The following RAPGEF5 variants were observed in gnomAD, a reference collection of about 807,000 sequenced individuals.
The protein encoded by RAPGEF5 is Rap guanine nucleotide exchange factor 5.
Under a neutral mutation model 125.2 loss-of-function variants are expected in RAPGEF5, and 65 were observed. The observed-to-expected ratio is 0.52, with a 90% CI of 0.43 to 0.64. The LOEUF is 0.64. Among genes scored for constraint, RAPGEF5 ranks in the 30% least tolerant of loss-of-function variants. The pLI, the probability that RAPGEF5 is intolerant of heterozygous loss-of-function variation, is 0.00. For synonymous variants in RAPGEF5, 391 were observed against 385.9 expected (o/e 1.01, Z -0.16); for missense variants, 958 against 1,048.1 (o/e 0.91, Z 1.19).
intron 6 of RAPGEF5, among the ~76,000 whole-genome samples, chr7:22,285,480 A>G (rs902765045): frequency 1.3e-5 from 2 of 152,234 alleles, no homozygotes; most frequent in Non-Finnish European, 2.9e-5. Context: ...TATCAATTTA[A>G]AAGTTTCCAA....
chr7:22,242,518 G>A (rs537951524), intron 7 of RAPGEF5, among the ~76,000 whole-genome samples: 19 of 152,134 alleles, frequency 1.2e-4, no homozygotes, highest in Admixed American at 6.5e-4. Context: ...GTCACCACTC[G>A]AATTCACTAG....
chr7:22,316,940 G>A (rs1451358289), intron 2 of RAPGEF5, among the ~76,000 whole-genome samples: 1 of 150,502 alleles, frequency 6.6e-6, no homozygotes, highest in African/African-American at 2.4e-5. Context: ...GAAGTAGGAA[G>A]GGAAGCAAAT....
chr7:22,147,968 T>C (rs1484848932), intron 18 of RAPGEF5, among the ~76,000 whole-genome samples: 1 of 152,188 alleles, frequency 6.6e-6, no homozygotes, highest in Non-Finnish European at 1.5e-5. Flanking sequence ...CGTTTCCTAT[T>C]TTTTTTAAAA....
rs895239927 is a variant in RAPGEF5, at chr7:22,291,252, A to C, written c.681-11T>G. Reference sequence around the variant, plus strand: ...ATTTTCTGATGAGACCTAAAAAAAAAAAAAAGAACAAATTACTTTTCAGTT... The same window carrying C: ...ATTTTCTGATGAGACCTAAAAAAAACAAAAAGAACAAATTACTTTTCAGTT... On this transcript the variant is annotated splice_polypyrimidine_tract_variant and intron_variant, in intron 5 of 25. Transcript: ENST00000665637. The C allele has an allele frequency of 5.2e-6, 8 of 1,525,978 alleles. No homozygotes were observed. The African/African-American group carries it at 9.8e-5, about 19-fold the overall frequency. The allele number at this position is 1,525,978 out of a possible 1,614,324, so 94.5% of individuals were successfully genotyped here.
rs1329701221 is a variant in RAPGEF5 at position 22,122,412 on chromosome 7, C to T, written c.2646G>A (p.Arg882=). The T allele has an allele frequency of 6.2e-7, 1 of 1,612,610 alleles. No individual in the cohort carries two copies. Residue 882 remains arginine (R), a synonymous_variant, in exon 26 of 26, where the codon CGG becomes CGA. Transcript: ENST00000665637. ...GGAGGTGAGGCAGTGGGGCTCACACCCGAGGCTCGATCCTGTGTGAGAGCT... is the reference window on the plus strand; with the variant it reads ...GGAGGTGAGGCAGTGGGGCTCACACTCGAGGCTCGATCCTGTGTGAGAGCT... The part of the protein sequence containing the change: ...LFELSHRIEP[R]V
intron 9 of RAPGEF5, among the ~76,000 whole-genome samples, chr7:22,210,238 G>A (rs1354466961): frequency 6.6e-6 from 1 of 152,200 alleles, no homozygotes; most frequent in Non-Finnish European, 1.5e-5. Context: ...CAGGGAGAAA[G>A]TGATAGCATC....
chr7:22,346,394 A>T (rs572919359), intron 1 of RAPGEF5, among the ~76,000 whole-genome samples: 30 of 152,232 alleles, frequency 2.0e-4, no homozygotes, highest in South Asian at 4.1e-4. Context: ...CGTAAAAAAA[A>T]TTTTTTTGCA....
chr7:22,125,568 T>C (rs765662483), intron 25 of RAPGEF5, 36 bp downstream of exon 25: 3 of 1,572,024 alleles, frequency 1.9e-6, no homozygotes. Context: ...CAACGTAGAG[T>C]CAATTTACAT....
intron 7 of RAPGEF5, 128 bp from the exon 8 acceptor site, chr7:22,231,047 TA>T: frequency 1.2e-6 from 1 of 864,590 alleles, no homozygotes; most frequent in Non-Finnish European, 1.8e-6. Context: ...ACATTGGCAT[TA>T]TTTTTTGTTA....
At position 22,162,492 on chromosome 7, in the gene RAPGEF5, G is replaced by A. The variant is rs775702720; in HGVS notation, c.1333C>T (p.Arg445Cys). Reference protein sequence around the residue: ...QGKEENSDVPRRKRKVLHLVS... With the variant: ...QGKEENSDVPCRKRKVLHLVS... ...AGATGCAAGACTTTACGTTTCCTAC[G>A]CGGAACGTCTGAGTTTTCCTCTTTG... is the stretch of plus-strand genomic sequence containing the variant. Residue 445 changes from arginine (R) to cysteine (C), a missense_variant, in exon 13 of 26, where the codon CGT becomes TGT. Coordinates refer to ENST00000665637, the MANE Select transcript of RAPGEF5 (RefSeq NM_012294.5). The A allele has an allele frequency of 2.6e-5, 42 of 1,608,494 alleles. 1 individual carries two copies. Among genetic ancestry groups the A allele is most frequent in the South Asian group, 2.1e-4 (19 of 90,968 alleles).
intron 4 of RAPGEF5, 64 bp from the exon 5 acceptor site, chr7:22,308,571 C>G: frequency 1.6e-6 from 2 of 1,254,226 alleles, no homozygotes; most frequent in South Asian, 3.3e-5. Context: ...AGTAATAACT[C>G]AAATGATAAA....
chr7:22,125,392 G>A (rs1291745089), intron 25 of RAPGEF5: 2 of 496,032 alleles, frequency 4.0e-6, no homozygotes, highest in African/African-American at 3.9e-5. Flanking sequence ...TGCCATGAGG[G>A]GATAATAATC....
intron 1 of RAPGEF5, among the ~76,000 whole-genome samples, chr7:22,343,295 C>G (rs1784162554): frequency 6.6e-6 from 1 of 152,168 alleles, no homozygotes; most frequent in South Asian, 2.1e-4. Flanking sequence ...CGGGTTCCTC[C>G]TACAACACAT....
chr7:22,148,574 T>C (rs1463309053), intron 18 of RAPGEF5, among the ~76,000 whole-genome samples: 2 of 152,236 alleles, frequency 1.3e-5, no homozygotes, highest in African/African-American at 2.4e-5. Flanking sequence ...TCTAAATCTA[T>C]GATTCCAGTA....
intron 5 of RAPGEF5, among the ~76,000 whole-genome samples, chr7:22,300,540 C>T (rs1477450712): frequency 6.6e-6 from 1 of 152,160 alleles, no homozygotes; most frequent in East Asian, 1.9e-4. Flanking sequence ...TAATGCTATA[C>T]AGCCTCAATG....
At chr7:22,334,621 C>A (rs1783991059) in intron 1 of RAPGEF5, among the ~76,000 whole-genome samples, 1 of 152,238 alleles carries the variant, frequency 6.6e-6, no homozygotes, top group South Asian at 2.1e-4. Flanking sequence ...CATATGTATA[C>A]ATATAAGATC....
chr7:22,132,713 C>A (rs1408235103), intron 23 of RAPGEF5, among the ~76,000 whole-genome samples: 1 of 152,136 alleles, frequency 6.6e-6, no homozygotes, highest in Non-Finnish European at 1.5e-5. Flanking sequence ...CAGGTTTATC[C>A]CTCACCTGCC....
intron 6 of RAPGEF5, among the ~76,000 whole-genome samples, chr7:22,289,068 T>C (rs892031603): frequency 6.6e-6 from 1 of 152,226 alleles, no homozygotes; most frequent in Non-Finnish European, 1.5e-5. Flanking sequence ...ATCCTGACTG[T>C]TTTCAATGGT....
chr7:22,346,434 A>C (rs944371008), intron 1 of RAPGEF5, among the ~76,000 whole-genome samples: 2 of 152,144 alleles, frequency 1.3e-5, no homozygotes, highest in South Asian at 2.1e-4. Flanking sequence ...AATTCACAGC[A>C]CAATATAATG....
Sources: allele counts gnomAD v4.1 joint callset (sites outside exome capture counted in the v4.1 genomes callset), GRCh38; gene constraint gnomAD v4.1.1; transcripts MANE v1.5; gene names NCBI Gene and HGNC (gene_info 2026-07-23, HGNC 2026-07-21).